Variants in MAP3K20 observed in about 807,000 individuals in gnomAD.
MAP3K20 encodes HCCS-4.
A neutral mutation model predicts 85.7 loss-of-function variants in MAP3K20; 40 were observed. The observed-to-expected ratio is 0.47, with a 90% CI of 0.36 to 0.61. The LOEUF (loss-of-function observed/expected upper bound fraction) is 0.61. MAP3K20 is among the 20% of genes least tolerant of loss of function. The pLI, the probability that MAP3K20 is intolerant of heterozygous loss-of-function variation, is 0.00. For missense variants in MAP3K20, 817 were observed against 961.7 expected (o/e 0.85, Z 1.99); for synonymous variants, 325 against 327.7 (o/e 0.99, Z 0.09).
intron 11 of MAP3K20, chr2:173,225,610 A>G (rs7420543): frequency 3.9e-5 from 38 of 969,130 alleles, no homozygotes; most frequent in African/African-American, 7.4e-5. Context: ...AAAAAAAAAC[A>G]AAAAAAAACA....
chr2:173,233,478 G>C (rs1164727093), intron 14 of MAP3K20, among the ~76,000 whole-genome samples: 1 of 152,180 alleles, frequency 6.6e-6, no homozygotes, highest in African/African-American at 2.4e-5. Context: ...AACTTAAACT[G>C]AGTAAGAATT....
At position 173,225,635 on chromosome 2, in the gene MAP3K20, T is replaced by A. The variant is rs114016209; in HGVS notation, c.988-4054T>A. The A allele has an allele frequency of 2.5e-3, 2,415 of 984,670 alleles. 53 individuals carry two copies. The African/African-American group carries it at 0.04, about 16-fold the overall frequency. The allele number at this position is 984,670 out of a possible 1,614,324, so 61.0% of individuals were successfully genotyped here. On this transcript the variant is annotated intron_variant, in intron 11 of 19. Coordinates refer to ENST00000375213, the MANE Select transcript of MAP3K20 (RefSeq NM_016653.3). ...AAAAAAAAACAACCCGGTAGCATTG[T>A]CCCTTCCCCACTGACAAACTTATCA...
rs949699380 is a variant in MAP3K20 at position 173,233,598 on chromosome 2, G to A, written c.1203+1139G>A. On this transcript the variant is annotated intron_variant, in intron 14 of 19. Coordinates refer to ENST00000375213, the MANE Select transcript of MAP3K20 (RefSeq NM_016653.3). ...CCCATTCCAGTGTGGGTAGATGGAC[G>A]AGTGTGTATAGGTTAGAAAGAAGAG... Among the ~76,000 whole-genome samples the A allele has an allele frequency of 2.6e-5, 4 of 152,158 alleles. No homozygotes were observed. In the East Asian group the frequency reaches 5.8e-4, roughly 22 times the overall value.
At chr2:173,206,128 T>C (rs952945727) in intron 9 of MAP3K20, among the ~76,000 whole-genome samples, 1 of 152,220 alleles carries the variant, frequency 6.6e-6, no homozygotes, top group African/African-American at 2.4e-5. Flanking sequence ...AATTTGATTA[T>C]TGCAGCTAGA....
chr2:173,164,896 C>G (rs1404338167), intron 2 of MAP3K20, among the ~76,000 whole-genome samples: 1 of 151,994 alleles, frequency 6.6e-6, no homozygotes, highest in Non-Finnish European at 1.5e-5. Context: ...ATAAAACAAA[C>G]AACAAAATAC....
At chr2:173,094,234 A>G (rs1409351834) in intron 2 of MAP3K20, among the ~76,000 whole-genome samples, 2 of 152,208 alleles carry the variant, frequency 1.3e-5, no homozygotes, top group African/African-American at 4.8e-5. Context: ...CCATTTAGTA[A>G]CATTTTACAT....
chr2:173,261,211 C>A, intron 18 of MAP3K20, 74 bp downstream of exon 18: 1 of 1,489,662 alleles, frequency 6.7e-7, no homozygotes, highest in Non-Finnish European at 9.3e-7. Context: ...TATCTCAGAG[C>A]ATATAATTTA....
In MAP3K20 at chr2:173,217,367, C is replaced by T; in HGVS notation, c.987+117C>T. On this transcript the variant is annotated intron_variant, in intron 11 of 19. Coordinates refer to ENST00000375213, the MANE Select transcript of MAP3K20 (RefSeq NM_016653.3). Reference sequence around the variant, plus strand: ...GCCGCCCCCTCCTCATTTCCTGCCTCGCGCCCGTGTATTAAAGGGCCCGCG... The same window carrying T: ...GCCGCCCCCTCCTCATTTCCTGCCTTGCGCCCGTGTATTAAAGGGCCCGCG... The T allele has an allele frequency of 3.9e-6, 5 of 1,276,418 alleles. No homozygotes were observed. The South Asian group carries it at 1.4e-4, about 36-fold the overall frequency. 79.1% of individuals were successfully genotyped at this position (1,276,418 alleles called of 1,614,324 possible).
intron 2 of MAP3K20, among the ~76,000 whole-genome samples, chr2:173,140,263 G>A (rs1688931236): frequency 6.6e-6 from 1 of 152,078 alleles, no homozygotes; most frequent in African/African-American, 2.4e-5. Flanking sequence ...ACCCACCTCA[G>A]CCTCCCAAAG....
chr2:173,192,104 G>T (rs145055890), intron 7 of MAP3K20, among the ~76,000 whole-genome samples: 1 of 143,704 alleles, frequency 7.0e-6, no homozygotes, highest in Non-Finnish European at 1.6e-5. Flanking sequence ...CTGCCCTGCT[G>T]TTTATACTAT....
chr2:173,078,816 G>A (rs939854309), intron 1 of MAP3K20, among the ~76,000 whole-genome samples: 7 of 152,176 alleles, frequency 4.6e-5, no homozygotes, highest in African/African-American at 1.7e-4. Context: ...TTAGAAGGAG[G>A]AGGCAGAATG....
intron 18 of MAP3K20, among the ~76,000 whole-genome samples, chr2:173,263,364 TAGA>T (rs1685338447): frequency 6.6e-6 from 1 of 152,184 alleles, no homozygotes; most frequent in African/African-American, 2.4e-5. Context: ...GTACTATAAA[TAGA>T]AGATGTAATT....
chr2:173,253,972 G>A (rs1411978329), intron 16 of MAP3K20, among the ~76,000 whole-genome samples: 1 of 151,532 alleles, frequency 6.6e-6, no homozygotes, highest in Non-Finnish European at 1.5e-5. Flanking sequence ...CTGGGAGGCT[G>A]ATGTGGGAAG....
At chr2:173,144,020 G>T (rs1417095394) in intron 2 of MAP3K20, among the ~76,000 whole-genome samples, 1 of 151,936 alleles carries the variant, frequency 6.6e-6, no homozygotes, top group Non-Finnish European at 1.5e-5. Context: ...TAAATTATAG[G>T]CATGTATAAT....
rs77800036 is a variant in MAP3K20 at position 173,261,742 on chromosome 2, C to T, written c.1551+605C>T. The stretch of plus-strand genomic sequence containing the variant: ...TCAATACTGAAAAATATCGTCCAGG[C>T]GCAGTGGCTCACACCTGTAATCTCA... On this transcript the variant is annotated intron_variant, in intron 18 of 19. Transcript: ENST00000375213. 1.8e-3 allele frequency among the ~76,000 whole-genome samples: 276 copies of T among 152,206 alleles called. 2 individuals carry two copies. The highest frequency in any genetic ancestry group is 0.012 in the East Asian group (63 of 5,172).
At chr2:173,093,424 G>A (rs1461488323) in intron 2 of MAP3K20, among the ~76,000 whole-genome samples, 1 of 152,176 alleles carries the variant, frequency 6.6e-6, no homozygotes, top group Non-Finnish European at 1.5e-5. Context: ...TTAGCAAAAT[G>A]TAGAGAAAAT....
In MAP3K20 at chr2:173,217,146, A is replaced by C. The variant is rs1052784774; in HGVS notation, c.883A>C (p.Lys295Gln). The C allele has an allele frequency of 6.3e-7, 1 of 1,598,084 alleles. No homozygotes were observed. The highest frequency in any genetic ancestry group is 1.1e-5 in the South Asian group (1 of 88,100). The part of the protein sequence containing the change: ...CEIEATLERL[K>Q]KLERDLSFKE... ...AATTGAGGCAACTCTTGAGAGGCTA[A>C]AGAAACTAGAGCGTGATCTCAGCTT... Residue 295 changes from lysine (K) to glutamine (Q), a missense_variant, in exon 11 of 20, where the codon AAG becomes CAG. By Grantham distance (53) the Lys-to-Gln change is moderately conservative (BLOSUM62 1). Around this residue, in one of 4 missense-constraint regions of MAP3K20, gnomAD observed 158 missense variants for 162.0 expected, o/e 0.98. Coordinates refer to ENST00000375213, the MANE Select transcript of MAP3K20 (RefSeq NM_016653.3).
chr2:173,178,590 G>C (rs1403195772), intron 3 of MAP3K20, among the ~76,000 whole-genome samples: 1 of 152,170 alleles, frequency 6.6e-6, no homozygotes, highest in Non-Finnish European at 1.5e-5. Context: ...GTTGCTGTGA[G>C]CTAAGATCAT....
intron 1 of MAP3K20, among the ~76,000 whole-genome samples, chr2:173,087,387 T>C (rs4972529): frequency 0.19 from 29,181 of 152,142 alleles, 3,308 homozygotes; most frequent in South Asian, 0.36. Context: ...TCAGTGTATA[T>C]TGGGAAGTGC....
Sources: allele counts gnomAD v4.1 joint callset (sites outside exome capture counted in the v4.1 genomes callset), GRCh38; gene constraint gnomAD v4.1.1; regional missense constraint gnomAD v4.1.1; transcripts MANE v1.5; gene names NCBI Gene and HGNC (gene_info 2026-07-23, HGNC 2026-07-21).